ABI3BP: variants seen among roughly 807,000 people sequenced by gnomAD.
ABI3BP encodes the protein target of Nesh-SH3.
ABI3BP carries 216 observed loss-of-function variants against 268.6 expected under a neutral mutation model. The ratio of observed to expected loss-of-function variants is 0.80; its 90% CI spans 0.72 to 0.90. ABI3BP has a LOEUF of 0.90. Among genes scored for constraint, ABI3BP ranks in the 40% least tolerant of loss-of-function variants. ABI3BP has a pLI of 0.00. For missense variants in ABI3BP, 2,090 were observed against 2,182.4 expected (o/e 0.96, Z 0.84); for synonymous variants, 730 against 730.0 (o/e 1.00, Z 0.00).
intron 1 of ABI3BP, among the ~76,000 whole-genome samples, chr3:100,972,105 T>A (rs2083886942): frequency 6.6e-6 from 1 of 152,170 alleles, no homozygotes; most frequent in African/African-American, 2.4e-5. Flanking sequence ...GCTCCATGCA[T>A]CAATGTATTT....
chr3:100,830,771 T>G (rs2098477274), intron 31 of ABI3BP, 137 bp from the exon 32 acceptor site: 3 of 663,716 alleles, frequency 4.5e-6, no homozygotes, highest in Non-Finnish European at 7.4e-6. Context: ...AGAAAGTGGC[T>G]GTATTTTTTT....
chr3:100,887,264 A>T (rs1001075294), intron 4 of ABI3BP, among the ~76,000 whole-genome samples: 2 of 152,084 alleles, frequency 1.3e-5, no homozygotes, highest in African/African-American at 4.8e-5. Context: ...CAGTAATGAG[A>T]GTGAATGGGA....
chr3:100,841,195 T>TTG (rs1491426365), intron 21 of ABI3BP, among the ~76,000 whole-genome samples: 1 of 32,108 alleles, frequency 3.1e-5, no homozygotes, highest in African/African-American at 1.5e-4. Flanking sequence ...ATTAGAACAC[T>TTG]TTTTTTTTTT....
At chr3:100,753,957 A>G in intron 64 of ABI3BP, 109 bp from the exon 65 acceptor site, 1 of 1,108,028 alleles carries the variant, frequency 9.0e-7, no homozygotes. Flanking sequence ...TCTTATTTGC[A>G]AAATGGTACT....
At chr3:100,912,550 A>T (rs933065051) in intron 2 of ABI3BP, among the ~76,000 whole-genome samples, 1 of 151,318 alleles carries the variant, frequency 6.6e-6, no homozygotes, top group Non-Finnish European at 1.5e-5. Context: ...CCACAGAATT[A>T]AAAAAAAACT....
chr3:100,814,169 T>C (rs1479329102), intron 44 of ABI3BP, among the ~76,000 whole-genome samples: 1 of 151,984 alleles, frequency 6.6e-6, no homozygotes, highest in East Asian at 1.9e-4. Context: ...TGCTTAACTT[T>C]TCACAGAAAA....
At chr3:100,843,766 T>C (rs1057134696) in intron 20 of ABI3BP, 186 of 981,520 alleles carry the variant, frequency 1.9e-4, no homozygotes, top group Non-Finnish European at 2.2e-4. Flanking sequence ...TAAGCATTCA[T>C]ACCTGAAGAT....
chr3:100,904,683 G>C (rs112584517), intron 2 of ABI3BP, among the ~76,000 whole-genome samples: 81 of 152,192 alleles, frequency 5.3e-4, no homozygotes, highest in Admixed American at 2.0e-3. Context: ...CTGGCCATCA[G>C]AGAAATGCAA....
intron 1 of ABI3BP, among the ~76,000 whole-genome samples, chr3:100,985,825 C>A (rs1366230406): frequency 6.6e-6 from 1 of 152,214 alleles, no homozygotes; most frequent in Non-Finnish European, 1.5e-5. Flanking sequence ...GCATCTGCCA[C>A]AAAATGCTTA....
intron 1 of ABI3BP, among the ~76,000 whole-genome samples, chr3:100,973,809 A>T (rs1166049605): frequency 6.6e-6 from 1 of 152,164 alleles, no homozygotes; most frequent in African/African-American, 2.4e-5. Context: ...TGAATACAAG[A>T]TATAGTCAGA....
intron 1 of ABI3BP, among the ~76,000 whole-genome samples, chr3:100,943,848 G>A (rs1258402554): frequency 6.6e-6 from 1 of 151,914 alleles, no homozygotes; most frequent in Admixed American, 6.6e-5. Context: ...TAAAATGTTT[G>A]ATTATATGAT....
At chr3:100,751,479 C>A in intron 67 of ABI3BP, 73 bp downstream of exon 67, 3 of 1,398,082 alleles carry the variant, frequency 2.1e-6, no homozygotes, top group Admixed American at 2.9e-5. Flanking sequence ...AAATTGCTTG[C>A]TTTCCTCAGC....
At chr3:100,841,928 G>A (rs2098710485) in intron 21 of ABI3BP, 70 bp downstream of exon 21, 2 of 1,192,356 alleles carry the variant, frequency 1.7e-6, no homozygotes, top group Non-Finnish European at 2.3e-6. Flanking sequence ...AAAACCCAAA[G>A]CTGAACAAAG....
At position 100,796,390 on chromosome 3, in the gene ABI3BP, G is replaced by T. The variant is rs1378371626; in HGVS notation, c.3817+19C>A. On this transcript the variant is annotated intron_variant, in intron 52 of 67. Transcript: ENST00000471714. Reference sequence around the variant, plus strand: ...GAAAAATATACTTCTTAGCCAGAAGGATGAAATAATTAATTTACCAGGTTC... The same window carrying T: ...GAAAAATATACTTCTTAGCCAGAAGTATGAAATAATTAATTTACCAGGTTC... The T allele has an allele frequency of 3.2e-6, 5 of 1,556,246 alleles. No individual in the cohort carries two copies. Among genetic ancestry groups the T allele is most frequent in the Non-Finnish European group, 4.3e-6 (5 of 1,150,794 alleles).
intron 51 of ABI3BP, among the ~76,000 whole-genome samples, chr3:100,798,554 A>C (rs1432571005): frequency 1.3e-5 from 2 of 151,696 alleles, no homozygotes; most frequent in Non-Finnish European, 2.9e-5. Flanking sequence ...TTATAATAAT[A>C]TTTACTATTA....
chr3:100,749,393 T>G lies in ABI3BP; in HGVS notation c.*1102A>C, dbSNP rs2095199975. The G allele has an allele frequency of 2.8e-6, 1 of 363,120 alleles. No individual in the cohort carries two copies. Among genetic ancestry groups the G allele is most frequent in the Admixed American group, 4.6e-5 (1 of 21,674 alleles). 22.5% of individuals were successfully genotyped at this position (363,120 alleles called of 1,614,324 possible). ...TTATACTTGTTTGAAAAATACAAAA[T>G]GTAGCGTTGATAAGATTGAAGCATG... On this transcript the variant is annotated 3_prime_UTR_variant, in exon 68 of 68. Transcript: ENST00000471714.
intron 1 of ABI3BP, among the ~76,000 whole-genome samples, chr3:100,962,435 C>T (rs1025078792): frequency 6.6e-6 from 1 of 152,154 alleles, no homozygotes; most frequent in Non-Finnish European, 1.5e-5. Flanking sequence ...AATTTAAACA[C>T]TCAAATCTCG....
chr3:100,749,649 ATC>A lies in ABI3BP; in HGVS notation c.*844_*845del. ...TAAATATCCTATAAAATGGTAGGCA[ATC>A]TCATCGTGCATTATCTTTTTGTGCT... On this transcript the variant is annotated 3_prime_UTR_variant, in exon 68 of 68. Coordinates refer to ENST00000471714, the MANE Select transcript of ABI3BP (RefSeq NM_001375547.2). The A allele has an allele frequency of 2.5e-6, 1 of 398,496 alleles. No individual in the cohort carries two copies. The highest frequency in any genetic ancestry group is 4.4e-6 in the Non-Finnish European group (1 of 225,782). The allele number at this position is 398,496 out of a possible 1,614,324, so 24.7% of individuals were successfully genotyped here. A position where few individuals can be genotyped will look rare whatever the true frequency, so the allele number is the denominator to read the frequency against.
chr3:100,896,458 A>G (rs75239620), intron 4 of ABI3BP, among the ~76,000 whole-genome samples: 2,000 of 152,296 alleles, frequency 0.013, 43 homozygotes, highest in African/African-American at 0.043. Context: ...GAGGCTTGAG[A>G]GCGGGAGGAA....
Sources: gnomAD v4.1 joint callset for allele counts (sites outside exome capture counted in the v4.1 genomes callset) on GRCh38, gnomAD v4.1.1 for gene constraint, MANE v1.5 for transcripts, NCBI Gene and HGNC (gene_info 2026-07-23, HGNC 2026-07-21) for gene names.